The following PDE7B variants were observed in gnomAD, a reference collection of about 807,000 sequenced individuals.
PDE7B encodes 3',5'-cyclic-AMP phosphodiesterase 7B.
In PDE7B, 29 loss-of-function variants were observed where a neutral mutation model predicts 56.2. The ratio of observed to expected loss-of-function variants is 0.52; its 90% CI spans 0.38 to 0.70. PDE7B has a LOEUF of 0.70. Among genes scored for constraint, PDE7B ranks in the 30% least tolerant of loss-of-function variants. The probability of loss-of-function intolerance (pLI) is 0.00; values close to 1 mark genes in which losing one functional copy is unlikely to be tolerated. For missense variants in PDE7B, 490 were observed against 565.0 expected (o/e 0.87, Z 1.35); for synonymous variants, 197 against 196.9 (o/e 1.00, Z 0.00).
chr6:136,006,924 G>A (rs557981644), intron 2 of PDE7B, among the ~76,000 whole-genome samples: 48 of 152,210 alleles, frequency 3.2e-4, no homozygotes, highest in African/African-American at 1.1e-3. Context: ...TGATTGCTAT[G>A]GCCAGGACTT....
chr6:135,999,393 T>G (rs1480873171), intron 2 of PDE7B, among the ~76,000 whole-genome samples: 2 of 151,136 alleles, frequency 1.3e-5, no homozygotes, highest in African/African-American at 4.9e-5. Context: ...CAATAGATAC[T>G]TTTTTTTCTT....
intron 2 of PDE7B, among the ~76,000 whole-genome samples, chr6:135,961,471 AG>A (rs948972233): frequency 2.0e-5 from 3 of 152,164 alleles, no homozygotes; most frequent in African/African-American, 7.2e-5. Flanking sequence ...CAATAAAAAC[AG>A]TTTATGTAAT....
At chr6:136,020,869 A>G (rs1416399752) in intron 2 of PDE7B, among the ~76,000 whole-genome samples, 1 of 152,154 alleles carries the variant, frequency 6.6e-6, no homozygotes, top group Non-Finnish European at 1.5e-5. Flanking sequence ...CCATTTTACC[A>G]TTGCATTATA....
At chr6:136,089,630 GT>G (rs1346294383) in intron 2 of PDE7B, among the ~76,000 whole-genome samples, 1 of 152,138 alleles carries the variant, frequency 6.6e-6, no homozygotes, top group African/African-American at 2.4e-5. Context: ...TTTTCCGAAT[GT>G]TGAAAAACAA....
intron 1 of PDE7B, among the ~76,000 whole-genome samples, chr6:135,942,051 C>T (rs921538301): frequency 2.6e-5 from 4 of 152,174 alleles, no homozygotes; most frequent in African/African-American, 9.7e-5. Flanking sequence ...GAGCTTTTCA[C>T]TGTTTTTAAT....
chr6:136,065,067 T>C (rs561043953), intron 2 of PDE7B, among the ~76,000 whole-genome samples: 21 of 152,318 alleles, frequency 1.4e-4, no homozygotes, highest in African/African-American at 4.6e-4. Flanking sequence ...ATTTCATATA[T>C]GCCTAAAAGT....
chr6:136,146,249 C>G (rs1778410996), intron 3 of PDE7B, among the ~76,000 whole-genome samples: 1 of 152,188 alleles, frequency 6.6e-6, no homozygotes, highest in Non-Finnish European at 1.5e-5. Context: ...GTTAAACTGA[C>G]TCTACATTCA....
chr6:136,044,053 A>G (rs1337336287), intron 2 of PDE7B: 1 of 152,122 alleles, frequency 6.6e-6, no homozygotes, highest in African/African-American at 2.4e-5. Context: ...ATTGTTCTCA[A>G]TGCTTAAAAT....
At chr6:135,854,223 C>T (rs999011096) in intron 1 of PDE7B, among the ~76,000 whole-genome samples, 2 of 152,126 alleles carry the variant, frequency 1.3e-5, no homozygotes, top group Admixed American at 1.3e-4. Flanking sequence ...TGTTGACTCA[C>T]AGAAGATAGT....
chr6:136,140,358 GT>G (rs1459995174), intron 3 of PDE7B, among the ~76,000 whole-genome samples: 1 of 152,296 alleles, frequency 6.6e-6, no homozygotes, highest in East Asian at 1.9e-4. Context: ...GTACCATGCT[GT>G]TTTGGTTACT....
intron 7 of PDE7B, among the ~76,000 whole-genome samples, 186 bp from the exon 8 acceptor site, chr6:136,155,441 C>T (rs906491299): frequency 2.6e-5 from 4 of 152,210 alleles, no homozygotes; most frequent in Non-Finnish European, 4.4e-5. Context: ...ATTTTCCACA[C>T]AGTCCTTTCC....
At chr6:135,979,404 G>A (rs930561900) in intron 2 of PDE7B, among the ~76,000 whole-genome samples, 1 of 151,682 alleles carries the variant, frequency 6.6e-6, no homozygotes, top group Admixed American at 6.6e-5. Context: ...AATGAGTTAG[G>A]GAGGATTCCC....
At chr6:136,118,634 C>A (rs1777877422) in intron 3 of PDE7B, among the ~76,000 whole-genome samples, 1 of 152,166 alleles carries the variant, frequency 6.6e-6, no homozygotes, top group Non-Finnish European at 1.5e-5. Context: ...TCGCAGAGCA[C>A]AAGCTTTTAA....
chr6:136,170,949 T>C (rs1317018840), intron 8 of PDE7B, among the ~76,000 whole-genome samples: 1 of 152,180 alleles, frequency 6.6e-6, no homozygotes, highest in African/African-American at 2.4e-5. Context: ...TCAACGTGTG[T>C]TTTGGAGGGG....
At chr6:135,968,362 A>G (rs368035621) in intron 2 of PDE7B, among the ~76,000 whole-genome samples, 2 of 152,216 alleles carry the variant, frequency 1.3e-5, no homozygotes, top group Non-Finnish European at 2.9e-5. Flanking sequence ...CATCAGAGTG[A>G]ACAGGCAACC....
At chr6:136,141,481 A>C (rs1473859925) in intron 3 of PDE7B, among the ~76,000 whole-genome samples, 1 of 152,206 alleles carries the variant, frequency 6.6e-6, no homozygotes, top group Admixed American at 6.5e-5. Flanking sequence ...CTGGCCTCAT[A>C]AAATGAGTTA....
At chr6:135,989,491 G>A (rs959199390) in intron 2 of PDE7B, among the ~76,000 whole-genome samples, 6 of 152,108 alleles carry the variant, frequency 3.9e-5, no homozygotes, top group Non-Finnish European at 8.8e-5. Context: ...GTGCATGCCT[G>A]TAATCCCAGC....
chr6:136,147,994 ATTACT>A (rs1281410383), intron 4 of PDE7B, among the ~76,000 whole-genome samples: 1 of 152,138 alleles, frequency 6.6e-6, no homozygotes, highest in Non-Finnish European at 1.5e-5. Context: ...TAACTCTACA[ATTACT>A]TTAGTAATAC....
intron 1 of PDE7B, among the ~76,000 whole-genome samples, chr6:135,901,515 G>C (rs1038796690): frequency 2.0e-5 from 3 of 152,076 alleles, no homozygotes; most frequent in Admixed American, 6.6e-5. Flanking sequence ...AACCTGAAAG[G>C]GGTGGGAGCT....
Sources: gnomAD v4.1 joint callset for allele counts (sites outside exome capture counted in the v4.1 genomes callset) on GRCh38, gnomAD v4.1.1 for gene constraint, MANE v1.5 for transcripts, NCBI Gene and HGNC (gene_info 2026-07-23, HGNC 2026-07-21) for gene names.